TTC19: variants seen among roughly 807,000 people sequenced by gnomAD.
The protein encoded by TTC19 is tetratricopeptide repeat protein 19, mitochondrial.
In TTC19, 38 loss-of-function variants were observed where a neutral mutation model predicts 49.5. The ratio of observed to expected loss-of-function variants is 0.77; its 90% confidence interval spans 0.59 to 1.01. TTC19 has a LOEUF of 1.01. TTC19 is among the 50% of genes least tolerant of loss of function. The pLI is 0.00. For synonymous variants in TTC19, 204 were observed against 185.2 expected, an observed-to-expected ratio of 1.10 and a Z score of -0.83; for missense variants, 475 against 477.7, an observed-to-expected ratio of 0.99 and a Z score of 0.05.
chr17:16,004,025 T>C (rs908421148), intron 5 of TTC19, 138 bp downstream of exon 5: 5 of 1,148,194 alleles, frequency 4.4e-6, no homozygotes, highest in Non-Finnish European at 5.2e-6. Context: ...CTATACAAAT[T>C]GCCATTCTTT....
intron 7 of TTC19, 86 bp downstream of exon 7, chr17:16,006,654 G>A: frequency 1.0e-6 from 1 of 968,800 alleles, no homozygotes; most frequent in Non-Finnish European, 1.6e-6. Context: ...GATCTAAATT[G>A]GGAAGAGGGA....
intron 7 of TTC19, among the ~76,000 whole-genome samples, chr17:16,016,250 T>G (rs1178459231): frequency 6.6e-6 from 1 of 152,204 alleles, no homozygotes; most frequent in African/African-American, 2.4e-5. Flanking sequence ...GATTTCTTCT[T>G]TGACCCTTTG....
downstream of TTC19, chr17:16,031,201 A>G (rs1303981041): frequency 5.0e-6 from 1 of 199,280 alleles, no homozygotes. Context: ...GTGAGAGTAA[A>G]TGCTGGTCCA....
rs1221602806 is a variant in TTC19 at position 15,999,847 on chromosome 17, G to C, written c.-2G>C. On this transcript the variant is annotated 5_prime_UTR_variant, in exon 1 of 10. Transcript: ENST00000261647. ...GCAGTGCGCAGAGGACGCGGCGGGA[G>C]CATGTTCCGGCTCCTGAGCTGGAGC... is the stretch of plus-strand genomic sequence containing the variant. The C allele has an allele frequency of 5.9e-6, 9 of 1,521,382 alleles. No individual in the cohort carries two copies. Among genetic ancestry groups the C allele is most frequent in the African/African-American group, 1.4e-5 (1 of 70,630 alleles). 94.2% of individuals were successfully genotyped at this position (1,521,382 alleles called of 1,614,324 possible).
rs1201745186 is a variant in TTC19 at position 16,010,167 on chromosome 17, ATTTTTT to A, written c.676+3618_676+3623del. On this transcript the variant is annotated intron_variant, in intron 7 of 9. Coordinates refer to ENST00000261647, the MANE Select transcript of TTC19 (RefSeq NM_017775.4). ...TATTTTTTTTATTTTTTAATTTTTA[ATTTTTT>A]TTTTTTTTTTTTTTTTTTGAGACAG... 6.2e-3 allele frequency among the ~76,000 whole-genome samples: 670 copies of A among 108,238 alleles called. 9 individuals are homozygous for A. The highest frequency in any genetic ancestry group is 0.023 in the African/African-American group (606 of 25,850). The allele number at this position is 108,238 out of a possible 152,430, so 71.0% of individuals were successfully genotyped here. A position where few individuals can be genotyped will look rare whatever the true frequency, so the allele number is the denominator to read the frequency against.
intron 8 of TTC19, among the ~76,000 whole-genome samples, chr17:16,026,046 C>T (rs1227096901): frequency 1.3e-5 from 2 of 152,036 alleles, no homozygotes; most frequent in Admixed American, 1.3e-4. Context: ...TACTGAAATT[C>T]CATTTCAGTA....
intron 2 of TTC19, among the ~76,000 whole-genome samples, chr17:16,036,996 A>G (rs1337604741): frequency 6.6e-6 from 1 of 152,246 alleles, no homozygotes; most frequent in Non-Finnish European, 1.5e-5. Flanking sequence ...ACTAAGCTTA[A>G]TCATTTCTAA....
intron 7 of TTC19, among the ~76,000 whole-genome samples, chr17:16,019,636 C>T (rs1327922296): frequency 6.6e-6 from 1 of 152,048 alleles, no homozygotes; most frequent in Non-Finnish European, 1.5e-5. Flanking sequence ...TAAAGGTGGC[C>T]CTGTGTGGTT....
chr17:16,025,065 C>T lies in TTC19; in HGVS notation c.725C>T (p.Ala242Val). The change falls in exon 8 of 10, where the codon GCC (alanine) becomes GTC (valine). Residue 242 changes from alanine to valine, a missense_variant. By Grantham distance (64) the Ala-to-Val change is moderately conservative. Coordinates refer to ENST00000261647, the MANE Select transcript of TTC19 (RefSeq NM_017775.4). ...CTCCTCTTGGGCATGTGCTTAGACG[C>T]CTGTGCTCGCTACCTTCTGTTCTCC... ...THLLLGMCLD[A>V]CARYLLFSKQ... 1 of 1,613,968 alleles carries T rather than the reference C, an allele frequency of 6.2e-7. No homozygotes were observed. The highest frequency in any genetic ancestry group is 8.5e-7 in the Non-Finnish European group (1 of 1,179,854).
intron 2 of TTC19, chr17:16,040,550 C>T: frequency 6.9e-7 from 1 of 1,447,326 alleles, no homozygotes; most frequent in South Asian, 1.2e-5. Context: ...ATATACCAAA[C>T]TAAAGTCTCA....
intron 2 of TTC19, among the ~76,000 whole-genome samples, chr17:16,044,124 G>A (rs1004183584): frequency 2.1e-5 from 3 of 143,940 alleles, no homozygotes; most frequent in Non-Finnish European, 1.5e-5. Flanking sequence ...AGCCGAGATC[G>A]TGCCACTGCA....
chr17:16,033,725 C>G (rs1444363228), downstream of TTC19, among the ~76,000 whole-genome samples: 1 of 152,110 alleles, frequency 6.6e-6, no homozygotes, highest in African/African-American at 2.4e-5. Flanking sequence ...CAAATAGGCA[C>G]AAAATAGAAA....
At chr17:16,020,819 C>G (rs930152896) in intron 7 of TTC19, among the ~76,000 whole-genome samples, 1 of 151,896 alleles carries the variant, frequency 6.6e-6, no homozygotes, top group Non-Finnish European at 1.5e-5. Flanking sequence ...AGTACAGGCA[C>G]GTGCCACCAT....
chr17:16,019,428 G>A (rs918986515), intron 7 of TTC19, among the ~76,000 whole-genome samples: 1 of 152,200 alleles, frequency 6.6e-6, no homozygotes, highest in Admixed American at 6.5e-5. Flanking sequence ...GTTTGCTTTT[G>A]TCACTCAATA....
At chr17:16,021,394 G>GA (rs1313182899) in intron 7 of TTC19, among the ~76,000 whole-genome samples, 14 of 151,904 alleles carry the variant, frequency 9.2e-5, no homozygotes, top group Admixed American at 8.5e-4. Flanking sequence ...TCTCAAAAAA[G>GA]AAAAAACAAA....
intron 2 of TTC19, among the ~76,000 whole-genome samples, chr17:16,035,530 C>CTTTTTTTT (rs966987249): frequency 3.4e-5 from 4 of 118,326 alleles, no homozygotes; most frequent in African/African-American, 9.4e-5. Flanking sequence ...TTCTCTTGTT[C>CTTTTTTTT]TTTTTTTTTT....
chr17:16,001,161 T>G (rs889534548), intron 2 of TTC19, among the ~76,000 whole-genome samples: 5 of 150,006 alleles, frequency 3.3e-5, no homozygotes, highest in African/African-American at 1.2e-4. Context: ...AAAAAAAGAG[T>G]AAATTGGATT....
chr17:16,029,623 C>A (rs1374674772), downstream of TTC19: 1 of 174,252 alleles, frequency 5.7e-6, no homozygotes, highest in Non-Finnish European at 1.2e-5. Context: ...AAATCTAAGT[C>A]TACAAAGAAT....
intron 2 of TTC19, chr17:16,039,511 C>A (rs1300285341): frequency 6.2e-7 from 1 of 1,614,134 alleles, no homozygotes; most frequent in South Asian, 1.1e-5. Context: ...GTACCAGGCA[C>A]TACTCCCATA....
Sources: gnomAD v4.1 joint callset for allele counts (sites outside exome capture counted in the v4.1 genomes callset) on GRCh38, gnomAD v4.1.1 for gene constraint, MANE v1.5 for transcripts, NCBI Gene and HGNC (gene_info 2026-07-23, HGNC 2026-07-21) for gene names.